C16orf89: variants seen among roughly 807,000 people sequenced by gnomAD.
The protein encoded by C16orf89 is chromosome 16 open reading frame 89, also known as UPF0764 protein C16orf89.
C16orf89 carries 57 observed loss-of-function variants against 41.5 expected under a neutral mutation model. That is an observed-to-expected ratio of 1.38 (90% confidence interval 1.11 to 1.71). The LOEUF (loss-of-function observed/expected upper bound fraction) is 1.71. Among genes scored for constraint, C16orf89 ranks in the 40% most tolerant of loss-of-function variants. C16orf89 has a pLI of 0.00. For synonymous variants in C16orf89, 223 were observed against 190.6 expected (o/e 1.17, Z -1.40); for missense variants, 575 against 445.9 (o/e 1.29, Z -2.61).
chr16:5,051,964 A>G (rs943663730), intron 6 of C16orf89, among the ~76,000 whole-genome samples: 1 of 151,842 alleles, frequency 6.6e-6, no homozygotes, highest in South Asian at 2.1e-4. Flanking sequence ...GCCGGGCATG[A>G]TGGTGGTGGG....
downstream of C16orf89, chr16:5,044,015 GGAAAAAA>G: frequency 1.6e-6 from 1 of 609,996 alleles, no homozygotes. Flanking sequence ...AAAAAAAAAA[GGAAAAAA>G]GAAAAAAGAA....
At chr16:5,057,835 A>G (rs1177602389) in intron 4 of C16orf89, among the ~76,000 whole-genome samples, 2 of 151,492 alleles carry the variant, frequency 1.3e-5, no homozygotes, top group African/African-American at 4.8e-5. Context: ...GGCCTCATTC[A>G]TTTGTTTTTG....
At chr16:5,055,591 A>G (rs1956481433) in intron 5 of C16orf89, 2 of 1,278,922 alleles carry the variant, frequency 1.6e-6, no homozygotes, top group Non-Finnish European at 1.1e-6. Flanking sequence ...AGTCAGGATC[A>G]GTGGAGGAGT....
intron 4 of C16orf89, among the ~76,000 whole-genome samples, chr16:5,056,499 G>C (rs577783787): frequency 6.6e-6 from 1 of 152,160 alleles, no homozygotes. Flanking sequence ...AGGGGCTCTC[G>C]TAGGGGGATG....
In C16orf89 at chr16:5,058,599, C is replaced by A. The variant is rs772207164; in HGVS notation, c.521G>T (p.Ser174Ile). Reference sequence around the variant, plus strand: ...GAGGTCTGAGAGGCCGCAGGGCTCGCTGCTGTCCGTCCTGGGGGAAAGTGG... The same window carrying A: ...GAGGTCTGAGAGGCCGCAGGGCTCGATGCTGTCCGTCCTGGGGGAAAGTGG... ...VQLLGTGTDS[S>I]EPCGLSDLCR... Residue 174 changes from serine to isoleucine, a missense_variant, in exon 4 of 8, where the codon AGC (serine) becomes ATC (isoleucine). By Grantham distance (142) the Ser-to-Ile change is moderately radical. Transcript: ENST00000472572. The A allele has an allele frequency of 1.2e-6, 2 of 1,611,236 alleles. No individual in the cohort carries two copies. Among genetic ancestry groups the A allele is most frequent in the African/African-American group, 2.7e-5 (2 of 75,006 alleles).
In C16orf89 at chr16:5,044,373, G is replaced by A. The variant is rs745343041; in HGVS notation, c.1061C>T (p.Thr354Ile). ...PPANREPHPS[T>I]PPPPSSR ...TCAGCGGCTGCTTGGTGGTGGCGGT[G>A]TGGATGGGTGTGGCTCTCTGTTTGC... The change falls in exon 8 of 8, where the codon ACA (threonine) becomes ATA (isoleucine). Residue 354 changes from threonine (T) to isoleucine (I), a missense_variant. By Grantham distance (89) the Thr-to-Ile change is moderately conservative. Transcript: ENST00000472572. 38 of 1,610,072 alleles carry A rather than the reference G, an allele frequency of 2.4e-5. No individual in the cohort carries two copies. The South Asian group carries it at 3.1e-4, about 13-fold the overall frequency.
intron 1 of C16orf89, among the ~76,000 whole-genome samples, chr16:5,063,563 A>G (rs1368323733): frequency 1.3e-5 from 2 of 152,178 alleles, no homozygotes; most frequent in Non-Finnish European, 2.9e-5. Context: ...GCCACTCCCC[A>G]TCATTCGCTG....
intron 2 of C16orf89, among the ~76,000 whole-genome samples, chr16:5,061,502 A>AAG (rs1555449406): frequency 0.027 from 1,251 of 46,550 alleles, 211 homozygotes; most frequent in African/African-American, 0.076. Flanking sequence ...AAAAAAAAAA[A>AAG]AACCCCCCCA....
Position 5,056,647 on chromosome 16 carries a change from G to A in C16orf89, c.628-459C>T, listed in dbSNP as rs377290221. ...CTACTCAAAGTGTGGGCCAAGAACC[G>A]GGCTGGTGACTCCCCACACTGGGAG... On this transcript the variant is annotated intron_variant, in intron 4 of 7. Coordinates refer to ENST00000472572, the MANE Select transcript of C16orf89 (RefSeq NM_001098514.3). Among the ~76,000 whole-genome samples, 25 of 152,220 alleles carry A rather than the reference G, an allele frequency of 1.6e-4. No homozygotes were observed. In the South Asian group the frequency reaches 2.9e-3, roughly 18 times the overall value.
At chr16:5,058,334 T>A (rs1233762564) in intron 4 of C16orf89, among the ~76,000 whole-genome samples, 159 bp downstream of exon 4, 3 of 151,966 alleles carry the variant, frequency 2.0e-5, no homozygotes, top group Non-Finnish European at 2.9e-5. Flanking sequence ...GGTTTCACCA[T>A]GTTGGCCCAG....
chr16:5,057,516 T>A (rs1231230887), intron 4 of C16orf89, among the ~76,000 whole-genome samples: 1 of 150,400 alleles, frequency 6.6e-6, no homozygotes, highest in Admixed American at 6.7e-5. Flanking sequence ...TATATTTTTC[T>A]TTTTCTATTT....
In C16orf89 at chr16:5,044,428, A is replaced by G; in HGVS notation, c.1006T>C (p.Phe336Leu). The change falls in exon 8 of 8, where the codon TTC (phenylalanine) becomes CTC (leucine). Residue 336 changes from phenylalanine (F) to leucine (L), a missense_variant. Phe to Leu is a conservative substitution (Grantham distance 22). Coordinates refer to ENST00000472572, the MANE Select transcript of C16orf89 (RefSeq NM_001098514.3). The stretch of plus-strand genomic sequence containing the variant: ...GGGTATTCTGCCAGGATGTATAGGA[A>G]GCCACCCAGGGCTGCCACTGCTGTG... Reference protein sequence around the residue: ...TATAVAALGGFLYILAEYPPA... With the variant: ...TATAVAALGGLLYILAEYPPA... The G allele has an allele frequency of 1.9e-6, 3 of 1,612,970 alleles. No homozygotes were observed. The highest frequency in any genetic ancestry group is 2.5e-6 in the Non-Finnish European group (3 of 1,179,608).
Position 5,061,502 on chromosome 16 carries a change from A to AG in C16orf89, c.358+922_358+923insC, listed in dbSNP as rs1567159530. Among the ~76,000 whole-genome samples, 9 of 46,656 alleles carry AG rather than the reference A, an allele frequency of 1.9e-4. 2 individuals are homozygous for AG. Among genetic ancestry groups the AG allele is most frequent in the African/African-American group, 4.9e-4 (5 of 10,150 alleles). 30.6% of individuals were successfully genotyped at this position (46,656 alleles called of 152,430 possible). A position where few individuals can be genotyped will look rare whatever the true frequency, so the allele number is the denominator to read the frequency against. On this transcript the variant is annotated intron_variant, in intron 2 of 7. Coordinates refer to ENST00000472572, the MANE Select transcript of C16orf89 (RefSeq NM_001098514.3). The stretch of plus-strand genomic sequence containing the variant: ...ACTGTCTCAAAAAAAAAAAAAAAAA[A>AG]AACCCCCCCAAAAAAAAAAACAAGT...
chr16:5,057,191 C>T (rs146153424), intron 4 of C16orf89, among the ~76,000 whole-genome samples: 1,586 of 148,198 alleles, frequency 0.011, 22 homozygotes, highest in African/African-American at 0.037. Context: ...GAGCTGAGAT[C>T]GTGCCACTGC....
At chr16:5,055,586 G>T in intron 5 of C16orf89, 1 of 1,264,498 alleles carries the variant, frequency 7.9e-7, no homozygotes, top group Non-Finnish European at 1.1e-6. Flanking sequence ...TCCAAAGTCA[G>T]GATCAGTGGA....
intron 6 of C16orf89, among the ~76,000 whole-genome samples, chr16:5,051,324 C>G (rs1199499129): frequency 1.3e-5 from 2 of 152,130 alleles, no homozygotes; most frequent in Non-Finnish European, 2.9e-5. Flanking sequence ...ACCAAAAAAA[C>G]TCTTAGAACT....
In C16orf89 at chr16:5,044,226, T is replaced by C; in HGVS notation, c.*122A>G. The C allele has an allele frequency of 7.0e-7, 1 of 1,429,296 alleles. No homozygotes were observed. Among genetic ancestry groups the C allele is most frequent in the Non-Finnish European group, 9.1e-7 (1 of 1,096,826 alleles). The allele number at this position is 1,429,296 out of a possible 1,614,324, so 88.5% of individuals were successfully genotyped here. ...GGGCTTCCAAGATTGGGTGTCGGGG[T>C]GGCTTTGCTTATCCTCCAGATGCCT... is the stretch of plus-strand genomic sequence containing the variant. On this transcript the variant is annotated 3_prime_UTR_variant, in exon 8 of 8. Coordinates refer to ENST00000472572, the MANE Select transcript of C16orf89 (RefSeq NM_001098514.3).
In C16orf89 at chr16:5,044,177, A is replaced by G. The variant is rs1037516200; in HGVS notation, c.*171T>C. 2 of 1,375,874 alleles carry G rather than the reference A, an allele frequency of 1.5e-6. No homozygotes were observed. Among genetic ancestry groups the G allele is most frequent in the Admixed American group, 3.5e-5 (1 of 28,532 alleles). The allele number at this position is 1,375,874 out of a possible 1,614,324, so 85.2% of individuals were successfully genotyped here. ...CACACCTGGGTCCCTCCCGGCCCCC[A>G]CCTACCCTGGCCTTGCCTACTCAGG... On this transcript the variant is annotated 3_prime_UTR_variant, in exon 8 of 8. Transcript: ENST00000472572.
At position 5,065,625 on chromosome 16, in the gene C16orf89, C is replaced by T. The variant is rs573404456; in HGVS notation, c.208+76G>A. On this transcript the variant is annotated intron_variant, in intron 1 of 7. Coordinates refer to ENST00000472572, the MANE Select transcript of C16orf89 (RefSeq NM_001098514.3). Reference sequence around the variant, plus strand: ...GGCCAGGAGTCTGCCAGGTCCCAGGCGTACAGAGCAGGGCAGGGGACAAAG... The same window carrying T: ...GGCCAGGAGTCTGCCAGGTCCCAGGTGTACAGAGCAGGGCAGGGGACAAAG... 2.5e-5 allele frequency: 37 copies of T among 1,463,800 alleles called. No homozygotes were observed. In the Middle Eastern group the frequency reaches 5.4e-4, roughly 21 times the overall value. 90.7% of individuals were successfully genotyped at this position (1,463,800 alleles called of 1,614,324 possible).
Sources: allele counts gnomAD v4.1 joint callset (sites outside exome capture counted in the v4.1 genomes callset), GRCh38; gene constraint gnomAD v4.1.1; transcripts MANE v1.5; gene names NCBI Gene and HGNC (gene_info 2026-07-23, HGNC 2026-07-21).